The following GABRB3 variants were observed in gnomAD, a reference collection of about 807,000 sequenced individuals.
GABRB3 encodes gamma-aminobutyric acid type A receptor subunit beta3.
GABRB3 carries 14 observed loss-of-function variants against 52.1 expected under a neutral mutation model. The ratio of observed to expected loss-of-function variants is 0.27; its 90% CI spans 0.18 to 0.42. The LOEUF (loss-of-function observed/expected upper bound fraction) is 0.42. Among genes scored for constraint, GABRB3 ranks in the 10% least tolerant of loss-of-function variants. The probability of loss-of-function intolerance (pLI) is 1.00; values close to 1 mark genes in which losing one functional copy is unlikely to be tolerated. For missense variants in GABRB3, 307 were observed against 609.1 expected, an observed-to-expected ratio of 0.50 and a Z score of 5.22; for synonymous variants, 260 against 232.3, an observed-to-expected ratio of 1.12 and a Z score of -1.08.
chr15:26,740,835 C>T (rs561501075), intron 3 of GABRB3, among the ~76,000 whole-genome samples: 87 of 152,190 alleles, frequency 5.7e-4, no homozygotes, highest in Non-Finnish European at 7.5e-4. Flanking sequence ...TACTCATTCA[C>T]TCTCAGAGTC....
At chr15:26,583,718 AAT>A (rs1338358263) in intron 4 of GABRB3, among the ~76,000 whole-genome samples, 1 of 151,998 alleles carries the variant, frequency 6.6e-6, no homozygotes, top group Non-Finnish European at 1.5e-5. Context: ...GATGTTTTGA[AAT>A]ATATATACAC....
intron 3 of GABRB3, among the ~76,000 whole-genome samples, chr15:26,676,690 A>G (rs547841309): frequency 1.3e-5 from 2 of 152,360 alleles, no homozygotes; most frequent in South Asian, 4.1e-4. Flanking sequence ...ATGCTTAAAC[A>G]TCTCCATCAG....
intron 3 of GABRB3, among the ~76,000 whole-genome samples, chr15:26,695,937 T>C (rs897491880): frequency 3.3e-5 from 5 of 152,340 alleles, no homozygotes; most frequent in East Asian, 1.9e-4. Flanking sequence ...TTTCTGCCTA[T>C]GAAAACTCCC....
At chr15:26,575,871 A>T (rs1476383405) in intron 6 of GABRB3, among the ~76,000 whole-genome samples, 1 of 152,238 alleles carries the variant, frequency 6.6e-6, no homozygotes, top group Non-Finnish European at 1.5e-5. Flanking sequence ...GTACCAAAGA[A>T]AAAAGGAAGA....
chr15:26,546,366 C>T lies in GABRB3; in HGVS notation c.*1427G>A, dbSNP rs575032831. ...TAAGTTAAGGTTGCGTCTATGAAAC[C>T]GGTGCACCTTGTCTTGTTTCTACGA... is the stretch of plus-strand genomic sequence containing the variant. On this transcript the variant is annotated 3_prime_UTR_variant, in exon 9 of 9. Coordinates refer to ENST00000311550, the MANE Select transcript of GABRB3 (RefSeq NM_000814.6). The T allele has an allele frequency of 1.4e-4, 22 of 152,136 alleles. No homozygotes were observed. Among genetic ancestry groups the T allele is most frequent in the Admixed American group, 1.1e-3 (17 of 15,222 alleles). The allele number at this position is 152,136 out of a possible 1,614,324, so 9.4% of individuals were successfully genotyped here.
At chr15:26,711,477 AT>A (rs1486420418) in intron 3 of GABRB3, among the ~76,000 whole-genome samples, 1 of 152,038 alleles carries the variant, frequency 6.6e-6, no homozygotes, top group African/African-American at 2.4e-5. Flanking sequence ...GCCTCATATC[AT>A]TTCCATCTGC....
chr15:26,664,034 T>G (rs1376736261), intron 3 of GABRB3, among the ~76,000 whole-genome samples: 3 of 152,196 alleles, frequency 2.0e-5, no homozygotes, highest in Admixed American at 2.0e-4. Flanking sequence ...AATAGAAATG[T>G]CTTAAGAATT....
chr15:26,772,808 A>G (rs1225880287), intron 1 of GABRB3, 36 bp from the exon 2 acceptor site: 4 of 1,428,052 alleles, frequency 2.8e-6, no homozygotes, highest in Middle Eastern at 4.1e-4. Context: ...GAGCGGGGTC[A>G]GGGGCGGCTC....
intron 4 of GABRB3, among the ~76,000 whole-genome samples, chr15:26,602,738 A>G (rs925527715): frequency 6.6e-6 from 1 of 152,144 alleles, no homozygotes; most frequent in African/African-American, 2.4e-5. Flanking sequence ...ACAACATACC[A>G]AAACCTATGG....
At chr15:26,667,503 C>T (rs898378600) in intron 3 of GABRB3, among the ~76,000 whole-genome samples, 2 of 152,164 alleles carry the variant, frequency 1.3e-5, no homozygotes, top group African/African-American at 2.4e-5. Flanking sequence ...GGGGTGCTAG[C>T]GCTGGCTGTT....
intron 8 of GABRB3, 86 bp downstream of exon 8, chr15:26,560,846 G>GA: frequency 1.3e-6 from 2 of 1,588,196 alleles, no homozygotes; most frequent in Middle Eastern, 2.3e-4. Flanking sequence ...CACTACTGGG[G>GA]AAAAAACAAA....
At chr15:26,718,069 A>G (rs1889544092) in intron 3 of GABRB3, among the ~76,000 whole-genome samples, 1 of 152,232 alleles carries the variant, frequency 6.6e-6, no homozygotes, top group Admixed American at 6.5e-5. Flanking sequence ...CTATGGCAGC[A>G]CTGTTTAGTG....
chr15:26,708,461 T>C (rs765049814), intron 3 of GABRB3, among the ~76,000 whole-genome samples: 4 of 152,218 alleles, frequency 2.6e-5, no homozygotes, highest in Non-Finnish European at 4.4e-5. Context: ...GGACAGGCAG[T>C]CAATGAGGGA....
At chr15:26,591,651 G>A (rs1187673050) in intron 4 of GABRB3, among the ~76,000 whole-genome samples, 2 of 152,156 alleles carry the variant, frequency 1.3e-5, no homozygotes, top group African/African-American at 4.8e-5. Flanking sequence ...CTACACCGCA[G>A]GTTCAACCCT....
chr15:26,668,588 TA>T (rs1887790773), intron 3 of GABRB3, among the ~76,000 whole-genome samples: 1 of 152,222 alleles, frequency 6.6e-6, no homozygotes, highest in Admixed American at 6.5e-5. Context: ...ATGTAGTCCC[TA>T]AATACTCCCT....
At chr15:26,597,245 T>G (rs1891425111) in intron 4 of GABRB3, among the ~76,000 whole-genome samples, 1 of 152,254 alleles carries the variant, frequency 6.6e-6, no homozygotes. Flanking sequence ...CACCTCTACA[T>G]TGGATAGTTT....
Position 26,772,915 on chromosome 15 carries a change from CG to C in GABRB3, c.47del (p.Pro16ArgfsTer13). The C allele has an allele frequency of 4.7e-6, 7 of 1,497,790 alleles. No homozygotes were observed. Among genetic ancestry groups the C allele is most frequent in the South Asian group, 2.5e-5 (2 of 79,980 alleles). 92.8% of individuals were successfully genotyped at this position (1,497,790 alleles called of 1,614,324 possible). A position where few individuals can be genotyped will look rare whatever the true frequency, so the allele number is the denominator to read the frequency against. On this transcript the variant is annotated frameshift_variant, in exon 1 of 9. Transcript: ENST00000311550. LOFTEE classifies it high-confidence loss of function. Reference protein sequence around the residue: ...GGRLFGIFSAPVLVAVVCCAQ... With the variant: ...GGRLFGIFSAXVLVAVVCCAQ... ...CGCAGCACACCACAGCCACCAGCAC[CG>C]GGGCCGAGAAGATGCCGAAAAGCCT... is the stretch of plus-strand genomic sequence containing the variant.
rs1888096159 is a variant in GABRB3, at chr15:26,677,188, T to C, written c.241-55654A>G. On this transcript the variant is annotated intron_variant, in intron 3 of 8. Transcript: ENST00000311550. ...TCAAAAGGGCAGGACTGAAAACAGC[T>C]GTGATTTCAGAGGTAGGAAGGCTGT... 2.0e-5 allele frequency among the ~76,000 whole-genome samples: 3 copies of C among 152,216 alleles called. No homozygotes were observed. In the South Asian group the frequency reaches 6.2e-4, roughly 32 times the overall value.
intron 3 of GABRB3, among the ~76,000 whole-genome samples, chr15:26,678,588 GA>G (rs1322428096): frequency 6.6e-6 from 1 of 152,136 alleles, no homozygotes; most frequent in Non-Finnish European, 1.5e-5. Flanking sequence ...GAGGCAAAGA[GA>G]GGGGGAGAGA....
Sources: gnomAD v4.1 joint callset for allele counts (sites outside exome capture counted in the v4.1 genomes callset) on GRCh38, gnomAD v4.1.1 for gene constraint, MANE v1.5 for transcripts, NCBI Gene and HGNC (gene_info 2026-07-23, HGNC 2026-07-21) for gene names.